IFT20: variants seen among roughly 807,000 people sequenced by gnomAD.
IFT20 encodes intraflagellar transport 20.
IFT20 carries 4 observed loss-of-function variants against 16.9 expected under a neutral mutation model. The observed-to-expected ratio is 0.24, with a 90% CI of 0.12 to 0.54. IFT20 has a LOEUF of 0.54. Among genes scored for constraint, IFT20 ranks in the 20% least tolerant of loss-of-function variants. The probability of loss-of-function intolerance (pLI) is 0.95; values close to 1 mark genes in which losing one functional copy is unlikely to be tolerated. For synonymous variants in IFT20, 48 were observed against 49.9 expected (o/e 0.96, Z 0.16); for missense variants, 154 against 149.7 (o/e 1.03, Z -0.15).
chr17:28,331,709 A>G (rs141656973), intron 2 of IFT20, 150 bp downstream of exon 2: 105 of 907,032 alleles, frequency 1.2e-4, no homozygotes, highest in Non-Finnish European at 1.8e-4. Flanking sequence ...AAGAGGGCAG[A>G]CAGAAAAGGG....
Position 28,330,608 on chromosome 17 carries a change from G to T in IFT20, c.128-80C>A, listed in dbSNP as rs970639570. On this transcript the variant is annotated intron_variant, in intron 2 of 4. Coordinates refer to ENST00000395418, the MANE Select transcript of IFT20 (RefSeq NM_001267776.2). ...CGGTAGAGTGCTAAGGCAGTGAGAG[G>T]GCAGAGCGGACTGCCCCTTCTAATT... is the stretch of plus-strand genomic sequence containing the variant. The T allele has an allele frequency of 6.3e-6, 6 of 954,054 alleles. No individual in the cohort carries two copies. In the African/African-American group the frequency reaches 9.6e-5, roughly 15 times the overall value. 59.1% of individuals were successfully genotyped at this position (954,054 alleles called of 1,614,324 possible). A position where few individuals can be genotyped will look rare whatever the true frequency, so the allele number is the denominator to read the frequency against.
chr17:28,332,331 G>T, intron 1 of IFT20: 1 of 902,364 alleles, frequency 1.1e-6, no homozygotes, highest in South Asian at 1.6e-5. Context: ...AGATGCTGGG[G>T]GTACAAAGAT....
Position 28,329,339 on chromosome 17 carries a change from A to G in IFT20, c.214-63T>C, listed in dbSNP as rs965498077. The G allele has an allele frequency of 8.3e-5, 108 of 1,306,236 alleles. No homozygotes were observed. In the East Asian group the frequency reaches 1.0e-3, roughly 13 times the overall value. The allele number at this position is 1,306,236 out of a possible 1,614,324, so 80.9% of individuals were successfully genotyped here. ...ACCATCTACAGCATCAAGTCCTCAAAGTGGGGAGGGGTTATCTGGGAGCTG... is the reference window on the plus strand; with the variant it reads ...ACCATCTACAGCATCAAGTCCTCAAGGTGGGGAGGGGTTATCTGGGAGCTG... On this transcript the variant is annotated intron_variant, in intron 3 of 4. Coordinates refer to ENST00000395418, the MANE Select transcript of IFT20 (RefSeq NM_001267776.2).
chr17:28,328,950 C>T, intron 4 of IFT20: 1 of 614,946 alleles, frequency 1.6e-6, no homozygotes. Context: ...TTCGTGGACC[C>T]TTTCATGCTC....
intron 3 of IFT20, chr17:28,329,546 T>C: frequency 5.1e-6 from 2 of 392,388 alleles, no homozygotes; most frequent in South Asian, 9.4e-5. Flanking sequence ...CATTCAGCCT[T>C]GTGCCTTTCA....
At chr17:28,329,118 G>T in intron 4 of IFT20, 55 bp downstream of exon 4, 1 of 1,179,920 alleles carries the variant, frequency 8.5e-7, no homozygotes. Flanking sequence ...CATTCCAGAA[G>T]GAAGAGTGGA....
chr17:28,330,371 G>C lies in IFT20; in HGVS notation c.213+72C>G, dbSNP rs546298073. 291 of 1,035,726 alleles carry C rather than the reference G, an allele frequency of 2.8e-4. 1 individual carries two copies. In the South Asian group the frequency reaches 3.2e-3, roughly 12 times the overall value. The allele number at this position is 1,035,726 out of a possible 1,614,324, so 64.2% of individuals were successfully genotyped here. On this transcript the variant is annotated intron_variant, in intron 3 of 4. Transcript: ENST00000395418. The stretch of plus-strand genomic sequence containing the variant: ...CTCTACCCCTCTAAATAAATCAAGA[G>C]GGAAGAGGGATGAGAGGGTAGTGAA...
Position 28,328,590 on chromosome 17 carries a change from TTTTTGG to T in IFT20, c.*56_*61del. 1.9e-6 allele frequency: 2 copies of T among 1,071,594 alleles called. No individual in the cohort carries two copies. The highest frequency in any genetic ancestry group is 2.8e-6 in the Non-Finnish European group (2 of 717,870). 66.4% of individuals were successfully genotyped at this position (1,071,594 alleles called of 1,614,324 possible). ...AAGCCGCTGGAATGCTACAGAGGTT[TTTTTGG>T]TTTTGAGAGGCTTTTTTTTGTTTTG... On this transcript the variant is annotated 3_prime_UTR_variant, in exon 5 of 5. Transcript: ENST00000395418.
intron 1 of IFT20, among the ~76,000 whole-genome samples, chr17:28,333,940 A>C (rs900486703): frequency 2.6e-5 from 4 of 152,106 alleles, no homozygotes; most frequent in South Asian, 2.1e-4. Flanking sequence ...CAAAAAAAAA[A>C]CCAAAAAATC....
At position 28,330,650 on chromosome 17, in the gene IFT20, G is replaced by A. The variant is rs138988526; in HGVS notation, c.128-122C>T. 3.4e-3 allele frequency: 2,397 copies of A among 696,082 alleles called. 7 individuals are homozygous for A. Among genetic ancestry groups the A allele is most frequent in the African/African-American group, 8.1e-3 (458 of 56,660 alleles). 43.1% of individuals were successfully genotyped at this position (696,082 alleles called of 1,614,324 possible). ...CTTCTAATTTGTGTTAAAATAGTTC[G>A]GTGTGGGCCAGGCGTGGTGGAGAGC... On this transcript the variant is annotated intron_variant, in intron 2 of 4. Coordinates refer to ENST00000395418, the MANE Select transcript of IFT20 (RefSeq NM_001267776.2).
At chr17:28,334,694 G>A (rs1310497588) in intron 1 of IFT20, among the ~76,000 whole-genome samples, 1 of 152,256 alleles carries the variant, frequency 6.6e-6, no homozygotes, top group African/African-American at 2.4e-5. Flanking sequence ...GTAAATGTTT[G>A]TGGAATGAAT....
intron 1 of IFT20, chr17:28,332,407 T>A (rs1376618382): frequency 4.8e-5 from 25 of 520,932 alleles, no homozygotes; most frequent in Non-Finnish European, 7.9e-5. Flanking sequence ...ACACGGAAAC[T>A]GAAAAACCAC....
At chr17:28,332,633 T>G (rs1041391149) in intron 1 of IFT20, 1 of 155,410 alleles carries the variant, frequency 6.4e-6, no homozygotes, top group Admixed American at 6.3e-5. Context: ...AAATTAAAAA[T>G]TATGGTTAAA....
intron 1 of IFT20, chr17:28,332,195 A>G (rs1194410698): frequency 1.3e-6 from 2 of 1,536,904 alleles, no homozygotes; most frequent in African/African-American, 1.4e-5. Context: ...AAGGAGTGAC[A>G]GTGGCAGTCA....
intron 3 of IFT20, chr17:28,329,526 T>G (rs1472560277): frequency 2.3e-5 from 10 of 441,206 alleles, no homozygotes; most frequent in Non-Finnish European, 3.6e-5. Context: ...AATAGCACAT[T>G]TGGTGGTGCC....
At chr17:28,334,318 G>T (rs868910232) in intron 1 of IFT20, among the ~76,000 whole-genome samples, 1 of 152,258 alleles carries the variant, frequency 6.6e-6, no homozygotes, top group African/African-American at 2.4e-5. Context: ...AGTGAAAGGG[G>T]AAGCAAGGCA....
chr17:28,329,860 A>G, intron 3 of IFT20: 1 of 238,612 alleles, frequency 4.2e-6, no homozygotes, highest in Non-Finnish European at 8.0e-6. Flanking sequence ...TGGGAGTTTG[A>G]GACCAGCCTG....
chr17:28,334,894 T>C (rs1270502465), intron 1 of IFT20, among the ~76,000 whole-genome samples: 2 of 152,202 alleles, frequency 1.3e-5, no homozygotes, highest in East Asian at 1.9e-4. Context: ...ACCTATCTGA[T>C]TGGAAGGGCT....
Position 28,329,251 on chromosome 17 carries a change from T to A in IFT20, c.239A>T (p.Lys80Ile). ...AGCTTCTCTCTGCTTTGCTATAGAT[T>A]TGAGCAAGTTCCGAGCACCGATGGC... ...MKAIGARNLL[K>I]SIAKQREAQQ... Residue 80 changes from lysine to isoleucine, a missense_variant, in exon 4 of 5, where the codon AAA becomes ATA. Physicochemically the swap from Lys to Ile is moderately radical, Grantham distance 102. Transcript: ENST00000395418. The A allele has an allele frequency of 1.2e-6, 2 of 1,614,104 alleles. No homozygotes were observed. The highest frequency in any genetic ancestry group is 2.2e-5 in the South Asian group (2 of 91,076).
Sources: gnomAD v4.1 joint callset for allele counts (sites outside exome capture counted in the v4.1 genomes callset) on GRCh38, gnomAD v4.1.1 for gene constraint, MANE v1.5 for transcripts, NCBI Gene and HGNC (gene_info 2026-07-23, HGNC 2026-07-21) for gene names.